DNAH11: variants seen among roughly 807,000 people sequenced by gnomAD.
The protein encoded by DNAH11 is dynein axonemal heavy chain 11, also known as axonemal beta dynein heavy chain 11.
Under a neutral mutation model 526.0 loss-of-function variants are expected in DNAH11, and 442 were observed. The ratio of observed to expected loss-of-function variants is 0.84; its 90% CI spans 0.78 to 0.91. DNAH11 has a LOEUF of 0.91. Ranked by LOEUF, DNAH11 falls within the 40% of genes least tolerant of loss-of-function variation. DNAH11 has a pLI of 0.00. For synonymous variants in DNAH11, 2,461 were observed against 1,935.9 expected (o/e 1.27, Z -7.12); for missense variants, 6,989 against 5,448.7 (o/e 1.28, Z -8.90).
intron 55 of DNAH11, 37 bp downstream of exon 55, chr7:21,765,626 AC>A (rs778574545): frequency 1.1e-6 from 1 of 900,956 alleles, no homozygotes; most frequent in South Asian, 2.2e-5. Flanking sequence ...ACACACACAC[AC>A]ACACACACAC....
At chr7:21,665,002 G>A (rs773203043) in intron 30 of DNAH11, among the ~76,000 whole-genome samples, 4 of 151,948 alleles carry the variant, frequency 2.6e-5, no homozygotes, top group Non-Finnish European at 5.9e-5. Flanking sequence ...CATGGCATTC[G>A]CTTATCGACC....
In DNAH11 at chr7:21,559,692, A is replaced by G; in HGVS notation, c.782A>G (p.Asp261Gly). Residue 261 changes from aspartate (D) to glycine (G), a missense_variant, in exon 4 of 82, where the codon GAT becomes GGT. Asp to Gly is a moderately conservative substitution (Grantham distance 94, BLOSUM62 -1). Transcript: ENST00000409508. ...SHQIQEIIER[D>G]SVQRLLNGLH... ...CAAATCCAAGAAATTATAGAAAGAG[A>G]TTCAGTGCAGCGTTTGTTGAATGGT... 1.2e-6 allele frequency: 2 copies of G among 1,611,478 alleles called. No homozygotes were observed. The highest frequency in any genetic ancestry group is 1.1e-5 in the South Asian group (1 of 90,442).
At chr7:21,667,933 T>C (rs114991874) in intron 30 of DNAH11, among the ~76,000 whole-genome samples, 254 of 152,256 alleles carry the variant, frequency 1.7e-3, no homozygotes, top group African/African-American at 5.7e-3. Flanking sequence ...TAGTCAAAGA[T>C]GGGCACTCCT....
At chr7:21,888,527 T>C (rs1389184493) in intron 76 of DNAH11, among the ~76,000 whole-genome samples, 1 of 152,038 alleles carries the variant, frequency 6.6e-6, no homozygotes, top group East Asian at 1.9e-4. Flanking sequence ...CCTTGTTCTG[T>C]CGCCCAGGCT....
intron 62 of DNAH11, among the ~76,000 whole-genome samples, chr7:21,805,414 A>C (rs572422615): frequency 6.6e-6 from 1 of 152,186 alleles, no homozygotes; most frequent in Admixed American, 6.6e-5. Flanking sequence ...ATCACTAGAT[A>C]TTTGCTGAAT....
chr7:21,692,456 G>A (rs2128475414), intron 35 of DNAH11, among the ~76,000 whole-genome samples: 2 of 152,288 alleles, frequency 1.3e-5, no homozygotes, highest in Middle Eastern at 3.4e-3. Flanking sequence ...GCTTCTTTGA[G>A]CATTGTGGTT....
intron 68 of DNAH11, among the ~76,000 whole-genome samples, chr7:21,855,189 A>G (rs10225595): frequency 0.097 from 14,735 of 151,854 alleles, 2,078 homozygotes; most frequent in African/African-American, 0.3. Context: ...CCGCCACCAC[A>G]CCTGGCTAAT....
At chr7:21,824,036 AGGG>A (rs1790169190) in intron 65 of DNAH11, among the ~76,000 whole-genome samples, 1 of 143,670 alleles carries the variant, frequency 7.0e-6, no homozygotes, top group South Asian at 2.2e-4. Flanking sequence ...CTTCCGTTTA[AGGG>A]TAAATTTGTT....
chr7:21,592,465 G>T (rs1191439595), intron 14 of DNAH11, among the ~76,000 whole-genome samples: 1 of 152,128 alleles, frequency 6.6e-6, no homozygotes, highest in African/African-American at 2.4e-5. Context: ...CAAGGGGAGT[G>T]GTAGTAGAGG....
chr7:21,882,079 A>G (rs748788577), intron 75 of DNAH11, among the ~76,000 whole-genome samples: 24 of 152,216 alleles, frequency 1.6e-4, no homozygotes, highest in Non-Finnish European at 2.8e-4. Flanking sequence ...GGAATGGACC[A>G]TTTAAGACTT....
At chr7:21,852,744 A>G in intron 67 of DNAH11, 113 bp downstream of exon 67, 1 of 1,141,044 alleles carries the variant, frequency 8.8e-7, no homozygotes, top group Non-Finnish European at 1.2e-6. Flanking sequence ...AGCGTGTGGA[A>G]TTCAGGTGAT....
chr7:21,874,460 C>T (rs923749085), intron 74 of DNAH11, among the ~76,000 whole-genome samples: 4 of 151,984 alleles, frequency 2.6e-5, no homozygotes, highest in African/African-American at 7.3e-5. Flanking sequence ...CTCAGCCTCC[C>T]AGGTAGCTGG....
In DNAH11 at chr7:21,708,066, C is replaced by T. The variant is rs17145085; in HGVS notation, c.6683+231C>T. On this transcript the variant is annotated intron_variant, in intron 40 of 81. Transcript: ENST00000409508. ...CTCAGAGCTGTTGTATTTTATCCCA[C>T]GTCAATTATGTCAGGGCTCCCTGTA... Among the ~76,000 whole-genome samples, 10,839 of 152,244 alleles carry T rather than the reference C, an allele frequency of 0.071. 549 individuals are homozygous for T. The highest frequency in any genetic ancestry group is 0.22 in the East Asian group (1,164 of 5,188).
At chr7:21,809,456 A>AT (rs1440619693) in intron 63 of DNAH11, among the ~76,000 whole-genome samples, 2 of 152,016 alleles carry the variant, frequency 1.3e-5, no homozygotes, top group Admixed American at 6.5e-5. Context: ...GTCCTGAAGC[A>AT]TTTTCCCAAT....
At chr7:21,711,562 G>A in intron 41 of DNAH11, 150 bp from the exon 42 acceptor site, 1 of 1,087,166 alleles carries the variant, frequency 9.2e-7, no homozygotes, top group East Asian at 2.7e-5. Context: ...CATCTCAGGG[G>A]TGAGCTTAGA....
At chr7:21,570,327 A>C in intron 7 of DNAH11, 28 bp downstream of exon 7, 1 of 1,563,082 alleles carries the variant, frequency 6.4e-7, no homozygotes, top group Non-Finnish European at 8.7e-7. Context: ...TTATTTATTC[A>C]TGTTGAAGGT....
Position 21,543,107 on chromosome 7 carries a change from A to T in DNAH11, c.-139A>T. The T allele has an allele frequency of 2.1e-6, 3 of 1,417,604 alleles. No homozygotes were observed. The highest frequency in any genetic ancestry group is 2.7e-6 in the Non-Finnish European group (3 of 1,092,202). The allele number at this position is 1,417,604 out of a possible 1,614,324, so 87.8% of individuals were successfully genotyped here. A position where few individuals can be genotyped will look rare whatever the true frequency, so the allele number is the denominator to read the frequency against. On this transcript the variant is annotated 5_prime_UTR_variant, in exon 1 of 82. Coordinates refer to ENST00000409508, the MANE Select transcript of DNAH11 (RefSeq NM_001277115.2). ...AGTGGCGCGGCTGCTAAGTAGCAGC[A>T]GGTGGGAGACTAGGGTCTGCGCTCG...
At chr7:21,841,277 AATAC>A (rs1167911625) in intron 65 of DNAH11, among the ~76,000 whole-genome samples, 1 of 152,210 alleles carries the variant, frequency 6.6e-6, no homozygotes. Context: ...AAGTATATTA[AATAC>A]ATACTTAAGA....
At chr7:21,611,632 T>C (rs151091308) in intron 20 of DNAH11, among the ~76,000 whole-genome samples, 1 of 152,172 alleles carries the variant, frequency 6.6e-6, no homozygotes, top group East Asian at 1.9e-4. Context: ...AACTGCAGAA[T>C]ACCAAAAGCA....
Sources: gnomAD v4.1 joint callset for allele counts (sites outside exome capture counted in the v4.1 genomes callset) on GRCh38, gnomAD v4.1.1 for gene constraint, MANE v1.5 for transcripts, NCBI Gene and HGNC (gene_info 2026-07-23, HGNC 2026-07-21) for gene names.